CHID1: variants seen among roughly 807,000 people sequenced by gnomAD.
The protein encoded by CHID1 is chitinase domain-containing protein 1.
CHID1 carries 44 observed loss-of-function variants against 55.4 expected under a neutral mutation model. The ratio of observed to expected loss-of-function variants is 0.79; its 90% CI spans 0.62 to 1.02. CHID1 has a LOEUF of 1.02. Ranked by LOEUF, CHID1 falls within the 50% of genes least tolerant of loss-of-function variation. The pLI is 0.00. For missense variants in CHID1, 491 were observed against 515.3 expected (o/e 0.95, Z 0.46); for synonymous variants, 216 against 212.9 (o/e 1.01, Z -0.13).
At chr11:890,938 CCA>C (rs1418589767) in intron 8 of CHID1, among the ~76,000 whole-genome samples, 1 of 152,162 alleles carries the variant, frequency 6.6e-6, no homozygotes, top group African/African-American at 2.4e-5. Context: ...GGCCATTGTT[CCA>C]CAGACAGTGC....
At chr11:908,241 A>G (rs138417373) in intron 1 of CHID1, 1 of 152,476 alleles carries the variant, frequency 6.6e-6, no homozygotes, top group Non-Finnish European at 1.5e-5. Flanking sequence ...CACCCAGTAC[A>G]TGGAGCCACA....
At position 869,740 on chromosome 11, in the gene CHID1, A is replaced by G. The variant is rs1849035473; in HGVS notation, c.*118T>C. 1 of 889,834 alleles carries G rather than the reference A, an allele frequency of 1.1e-6. No individual in the cohort carries two copies. The highest frequency in any genetic ancestry group is 1.6e-5 in the African/African-American group (1 of 60,858). 55.1% of individuals were successfully genotyped at this position (889,834 alleles called of 1,614,324 possible). ...AGTCACATGGTGCCCAGGACCCCCGACTGAGGACTGCAGCAGACCCGTCAC... is the reference window on the plus strand; with the variant it reads ...AGTCACATGGTGCCCAGGACCCCCGGCTGAGGACTGCAGCAGACCCGTCAC... On this transcript the variant is annotated 3_prime_UTR_variant, in exon 13 of 13. Coordinates refer to ENST00000323578, the MANE Select transcript of CHID1 (RefSeq NM_023947.4).
At chr11:906,062 C>T (rs942635309) in intron 1 of CHID1, among the ~76,000 whole-genome samples, 7 of 151,962 alleles carry the variant, frequency 4.6e-5, no homozygotes, top group African/African-American at 1.7e-4. Flanking sequence ...GCCTGGAATC[C>T]CAGCACTCTG....
At chr11:882,929 C>A (rs2134173220) in intron 10 of CHID1, 1 of 528,462 alleles carries the variant, frequency 1.9e-6, no homozygotes, top group East Asian at 3.1e-5. Context: ...GGGACAGCCT[C>A]ACGCAGATGT....
upstream of CHID1, chr11:911,113 G>T (rs1852658932): frequency 6.6e-6 from 1 of 152,068 alleles, no homozygotes; most frequent in African/African-American, 2.4e-5. Context: ...GGCGCCCTTG[G>T]CGTGGGGCCG....
At chr11:896,674 C>A (rs1456559765) in intron 7 of CHID1, among the ~76,000 whole-genome samples, 4 of 135,210 alleles carry the variant, frequency 3.0e-5, no homozygotes, top group Non-Finnish European at 4.8e-5. Context: ...GGGCCCCCAG[C>A]CTCCACCCCA....
chr11:899,091 C>T (rs1413330210), intron 7 of CHID1, among the ~76,000 whole-genome samples: 3 of 152,244 alleles, frequency 2.0e-5, no homozygotes, highest in African/African-American at 4.8e-5. Flanking sequence ...TCAGGCCTGG[C>T]GCAGCAATGC....
intron 7 of CHID1, among the ~76,000 whole-genome samples, chr11:896,641 A>G (rs1589875451): frequency 1.1e-5 from 1 of 94,236 alleles, no homozygotes; most frequent in East Asian, 3.1e-4. Flanking sequence ...CCCAGCCTCC[A>G]CCCCAGACAC....
In CHID1 at chr11:903,193, C is replaced by T. The variant is rs1589896362; in HGVS notation, c.112-82G>A. 2.8e-6 allele frequency: 4 copies of T among 1,427,334 alleles called. No individual in the cohort carries two copies. In the East Asian group the frequency reaches 6.9e-5, roughly 25 times the overall value. The allele number at this position is 1,427,334 out of a possible 1,614,324, so 88.4% of individuals were successfully genotyped here. On this transcript the variant is annotated intron_variant, in intron 2 of 12. Coordinates refer to ENST00000323578, the MANE Select transcript of CHID1 (RefSeq NM_023947.4). ...AGAGCCCCACCCAGCAAGTCCCTTC[C>T]ATTCAGCCAGCAGCCGAGTCTCTGG... is the stretch of plus-strand genomic sequence containing the variant.
Position 886,150 on chromosome 11 carries a change from C to CAAAA in CHID1, c.702-1985_702-1982dup, listed in dbSNP as rs35216304. ...TGGGCGACAAAGCAAGACTCCGTCT[C>CAAAA]AAAAAAAGAAAAAAAAAAAGGAAAA... On this transcript the variant is annotated intron_variant, in intron 8 of 12. Transcript: ENST00000323578. 5.4e-4 allele frequency among the ~76,000 whole-genome samples: 11 copies of CAAAA among 20,330 alleles called. No individual in the cohort carries two copies. In the Admixed American group the frequency reaches 8.7e-3, roughly 16 times the overall value. 13.3% of individuals were successfully genotyped at this position (20,330 alleles called of 152,430 possible). A position where few individuals can be genotyped will look rare whatever the true frequency, so the allele number is the denominator to read the frequency against.
intron 8 of CHID1, among the ~76,000 whole-genome samples, chr11:887,181 C>T (rs752762443): frequency 1.9e-4 from 29 of 152,100 alleles, no homozygotes; most frequent in Non-Finnish European, 3.7e-4. Context: ...ACAGGTGCCA[C>T]CATGTCCAGC....
chr11:902,859 C>T, intron 3 of CHID1, 103 bp downstream of exon 3: 1 of 1,106,340 alleles, frequency 9.0e-7, no homozygotes, highest in South Asian at 1.5e-5. Flanking sequence ...GAGATCAGAA[C>T]ATAGACCCCC....
chr11:902,551 G>C (rs904779701), intron 3 of CHID1, among the ~76,000 whole-genome samples: 3 of 152,188 alleles, frequency 2.0e-5, no homozygotes, highest in African/African-American at 7.2e-5. Context: ...CACCAAAAGT[G>C]ACTGGTGCTT....
At chr11:884,956 G>C (rs1850280435) in intron 8 of CHID1, among the ~76,000 whole-genome samples, 1 of 152,240 alleles carries the variant, frequency 6.6e-6, no homozygotes, top group Non-Finnish European at 1.5e-5. Context: ...GGGAGAGCTG[G>C]GTGCTGGCCT....
chr11:903,376 A>G (rs1272904336), intron 2 of CHID1, among the ~76,000 whole-genome samples: 1 of 152,226 alleles, frequency 6.6e-6, no homozygotes, highest in Non-Finnish European at 1.5e-5. Context: ...GCAGGCAGAC[A>G]GACAGTTATG....
In CHID1 at chr11:880,461, A is replaced by T. The variant is rs567140889; in HGVS notation, c.959+2687T>A. Among the ~76,000 whole-genome samples, 310 of 152,276 alleles carry T rather than the reference A, an allele frequency of 2.0e-3. 2 individuals carry two copies. The Middle Eastern group carries it at 0.027, about 13-fold the overall frequency. On this transcript the variant is annotated intron_variant, in intron 10 of 12. Coordinates refer to ENST00000323578, the MANE Select transcript of CHID1 (RefSeq NM_023947.4). ...TGGACAGAGAGGAGTGTGCACGTAG[A>T]GTGTCGGGGGAAAGCCTCCCTAAGG... is the stretch of plus-strand genomic sequence containing the variant.
chr11:906,855 C>G (rs180933384), intron 1 of CHID1, among the ~76,000 whole-genome samples: 3 of 152,100 alleles, frequency 2.0e-5, no homozygotes, highest in Admixed American at 2.0e-4. Flanking sequence ...ATGGACAAAC[C>G]CTGTCTCTAC....
chr11:886,991 C>T (rs1031971719), intron 8 of CHID1, among the ~76,000 whole-genome samples: 2 of 152,190 alleles, frequency 1.3e-5, no homozygotes, highest in African/African-American at 4.8e-5. Flanking sequence ...GAGTCCAGGT[C>T]TCCTGCCCGC....
At chr11:914,456 G>A, upstream of CHID1, 2 of 1,126,234 alleles carry the variant, frequency 1.8e-6, no homozygotes, top group Non-Finnish European at 2.4e-6. Flanking sequence ...GTGGGGTGAG[G>A]AGGCCTGCAG....
Sources: gnomAD v4.1 joint callset for allele counts (sites outside exome capture counted in the v4.1 genomes callset) on GRCh38, gnomAD v4.1.1 for gene constraint, MANE v1.5 for transcripts, NCBI Gene and HGNC (gene_info 2026-07-23, HGNC 2026-07-21) for gene names.